Variants in APBA1 observed in about 807,000 individuals in gnomAD.
APBA1 encodes the protein amyloid-beta A4 precursor protein-binding family A member 1.
In APBA1, 55 loss-of-function variants were observed where a neutral mutation model predicts 86.6. The ratio of observed to expected loss-of-function variants is 0.64; its 90% CI spans 0.51 to 0.80. APBA1 has a LOEUF of 0.80. Ranked by LOEUF, APBA1 falls within the 30% of genes least tolerant of loss-of-function variation. The pLI, the probability that APBA1 is intolerant of heterozygous loss-of-function variation, is 0.00. For synonymous variants in APBA1, 511 were observed against 493.9 expected (o/e 1.03, Z -0.46); for missense variants, 1,090 against 1,183.0 (o/e 0.92, Z 1.15).
At chr9:69,537,329 T>TA (rs1401327072) in intron 1 of APBA1, among the ~76,000 whole-genome samples, 1 of 152,052 alleles carries the variant, frequency 6.6e-6, no homozygotes, top group Non-Finnish European at 1.5e-5. Flanking sequence ...CAAACTGTCT[T>TA]ACGAATACTT....
Position 69,456,323 on chromosome 9 carries a change from T to C in APBA1, c.1712A>G (p.Asn571Ser). The C allele has an allele frequency of 6.2e-7, 1 of 1,614,200 alleles. No individual in the cohort carries two copies. The highest frequency in any genetic ancestry group is 8.5e-7 in the Non-Finnish European group (1 of 1,180,028). Residue 571 changes from asparagine (N) to serine (S), a missense_variant, in exon 8 of 13, where the codon AAC becomes AGC. Asn to Ser is a conservative substitution (Grantham distance 46, BLOSUM62 1). This residue lies in a region of APBA1 where 103 missense variants were observed against 91.9 expected (regional missense o/e 1.12). Coordinates refer to ENST00000265381, the MANE Select transcript of APBA1 (RefSeq NM_001163.4). ...CTGGGATGGGTGGGACGCTTCCACG[T>C]TCTCCTGGGAGTTGGAGCGAGGCAT... ...RRMPRSNSQE[N>S]VEASHPSQDG...
chr9:69,543,678 G>A (rs193225927), intron 1 of APBA1, among the ~76,000 whole-genome samples: 1 of 152,290 alleles, frequency 6.6e-6, no homozygotes, highest in Admixed American at 6.5e-5. Flanking sequence ...ATTTAAGGAG[G>A]AGGAAACCAA....
At chr9:69,619,640 C>T (rs1298575656) in intron 1 of APBA1, among the ~76,000 whole-genome samples, 2 of 152,210 alleles carry the variant, frequency 1.3e-5, no homozygotes, top group African/African-American at 4.8e-5. Context: ...GCTCCCTCCC[C>T]AACTCACTTG....
chr9:69,570,632 C>A (rs747543085), intron 1 of APBA1, among the ~76,000 whole-genome samples: 1 of 152,264 alleles, frequency 6.6e-6, no homozygotes, highest in South Asian at 2.1e-4. Flanking sequence ...CAGTTTGCAG[C>A]TTTTTCAAGG....
intron 11 of APBA1, among the ~76,000 whole-genome samples, chr9:69,434,540 CTACTAAAAATACAAAAAT>C (rs1834664140): frequency 6.6e-6 from 1 of 152,020 alleles, no homozygotes; most frequent in Non-Finnish European, 1.5e-5. Context: ...AACCATGCCT[CTACTAAAAATACAAAAAT>C]TAGCCGGGCG....
intron 1 of APBA1, among the ~76,000 whole-genome samples, chr9:69,651,364 A>G (rs1022871051): frequency 3.1e-4 from 47 of 152,208 alleles, no homozygotes; most frequent in African/African-American, 1.1e-3. Context: ...CAGATGTAAA[A>G]TTCATCAAGC....
chr9:69,660,985 T>C lies in APBA1; in HGVS notation c.-70+11168A>G, dbSNP rs140488218. On this transcript the variant is annotated intron_variant, in intron 1 of 12. Transcript: ENST00000265381. ...GGACAAATCCATCCCACTGCCTGTTTGTGTACTGCCTTGGAGCTGAGAATG... is the reference window on the plus strand; with the variant it reads ...GGACAAATCCATCCCACTGCCTGTTCGTGTACTGCCTTGGAGCTGAGAATG... Among the ~76,000 whole-genome samples, 552 of 152,334 alleles carry C rather than the reference T, an allele frequency of 3.6e-3. 2 individuals are homozygous for C. The highest frequency in any genetic ancestry group is 5.7e-3 in the Non-Finnish European group (385 of 68,036).
At chr9:69,654,332 G>T (rs1361983572) in intron 1 of APBA1, among the ~76,000 whole-genome samples, 1 of 152,046 alleles carries the variant, frequency 6.6e-6, no homozygotes, top group Non-Finnish European at 1.5e-5. Context: ...AGGTGCGGTG[G>T]CTCATTCCTG....
At chr9:69,651,717 C>T (rs1823507038) in intron 1 of APBA1, among the ~76,000 whole-genome samples, 1 of 152,192 alleles carries the variant, frequency 6.6e-6, no homozygotes, top group Non-Finnish European at 1.5e-5. Context: ...CTCAGGTGAT[C>T]CACCTGCCTG....
At position 69,489,013 on chromosome 9, in the gene APBA1, G is replaced by C. The variant is rs374770856; in HGVS notation, c.1201-12870C>G. 2.4e-3 allele frequency among the ~76,000 whole-genome samples: 369 copies of C among 152,116 alleles called. 2 individuals carry two copies. The highest frequency in any genetic ancestry group is 8.2e-3 in the African/African-American group (342 of 41,500). On this transcript the variant is annotated intron_variant, in intron 2 of 12. Coordinates refer to ENST00000265381, the MANE Select transcript of APBA1 (RefSeq NM_001163.4). ...AACAAATGGAAGAACATTCCATGCT[G>C]ATGGATAGGAAGAATCAATATCATG...
intron 1 of APBA1, among the ~76,000 whole-genome samples, chr9:69,530,296 T>TTG (rs554992215): frequency 0.011 from 1,089 of 98,734 alleles, 13 homozygotes; most frequent in African/African-American, 0.037. Flanking sequence ...AAGAAAAAAG[T>TTG]TGTGTGTGTG....
rs1834560651 is a variant in APBA1 at position 69,429,994 on chromosome 9, A to G, written c.*1333T>C. 6.6e-6 allele frequency: 1 copy of G among 152,164 alleles called. No individual in the cohort carries two copies. Among genetic ancestry groups the G allele is most frequent in the African/African-American group, 2.4e-5 (1 of 41,430 alleles). 9.4% of individuals were successfully genotyped at this position (152,164 alleles called of 1,614,324 possible). On this transcript the variant is annotated 3_prime_UTR_variant, in exon 13 of 13. Transcript: ENST00000265381. ...ACACTGAACTGAGACGGAAGCATAA[A>G]TATGAGGCACCTGATGAAAACACGG...
intron 1 of APBA1, among the ~76,000 whole-genome samples, chr9:69,583,860 A>G (rs1468380270): frequency 6.6e-6 from 1 of 152,224 alleles, no homozygotes; most frequent in Non-Finnish European, 1.5e-5. Flanking sequence ...CCAGGCTTCT[A>G]TCTCTTCATC....
intron 1 of APBA1, among the ~76,000 whole-genome samples, chr9:69,554,791 T>TA (rs11305616): frequency 7.3e-5 from 11 of 150,846 alleles, no homozygotes; most frequent in African/African-American, 9.8e-5. Context: ...ATTTTTAGGG[T>TA]AAAAAAAAAA....
chr9:69,511,615 C>A (rs1836042524), intron 2 of APBA1, among the ~76,000 whole-genome samples: 1 of 151,806 alleles, frequency 6.6e-6, no homozygotes, highest in East Asian at 1.9e-4. Flanking sequence ...TATAAAGACA[C>A]ATGCACACGT....
rs555952602 is a variant in APBA1 at position 69,564,497 on chromosome 9, G to A, written c.-69-47218C>T. Among the ~76,000 whole-genome samples, 18 of 152,170 alleles carry A rather than the reference G, an allele frequency of 1.2e-4. 1 individual carries two copies. The South Asian group carries it at 1.7e-3, about 14-fold the overall frequency. On this transcript the variant is annotated intron_variant, in intron 1 of 12. Coordinates refer to ENST00000265381, the MANE Select transcript of APBA1 (RefSeq NM_001163.4). ...GGTGGGAGGTCACAAAATGACCTCCGTATGCCTTAACTGACAAAAGTGAAA... is the reference window on the plus strand; with the variant it reads ...GGTGGGAGGTCACAAAATGACCTCCATATGCCTTAACTGACAAAAGTGAAA...
intron 1 of APBA1, among the ~76,000 whole-genome samples, chr9:69,576,343 C>A (rs1821796325): frequency 6.6e-6 from 1 of 152,164 alleles, no homozygotes; most frequent in Non-Finnish European, 1.5e-5. Flanking sequence ...TTGACCCAGC[C>A]ATCCCATTAC....
intron 11 of APBA1, 150 bp from the exon 12 acceptor site, chr9:69,432,826 T>C: frequency 3.8e-6 from 3 of 798,244 alleles, no homozygotes; most frequent in South Asian, 8.2e-5. Context: ...TTAGTGTCTT[T>C]TCACAAAAAA....
chr9:69,521,317 A>T (rs1470917686), intron 1 of APBA1, among the ~76,000 whole-genome samples: 1 of 152,140 alleles, frequency 6.6e-6, no homozygotes, highest in Non-Finnish European at 1.5e-5. Flanking sequence ...CTAACAGCCA[A>T]AGTCCTGGTG....
Sources: gnomAD v4.1 joint callset for allele counts (sites outside exome capture counted in the v4.1 genomes callset) on GRCh38, gnomAD v4.1.1 for gene constraint, gnomAD v4.1.1 regional missense constraint, MANE v1.5 for transcripts, NCBI Gene and HGNC (gene_info 2026-07-23, HGNC 2026-07-21) for gene names.